FAM20C: variants seen among roughly 807,000 people sequenced by gnomAD.
The protein encoded by FAM20C is FAM20C golgi associated secretory pathway kinase, also known as extracellular serine/threonine protein kinase FAM20C.
In FAM20C, 40 loss-of-function variants were observed where a neutral mutation model predicts 51.5. The ratio of observed to expected loss-of-function variants is 0.78; its 90% CI spans 0.60 to 1.01. The LOEUF is 1.01. Among genes scored for constraint, FAM20C ranks in the 50% least tolerant of loss-of-function variants. FAM20C has a pLI of 0.00. For missense variants in FAM20C, 861 were observed against 844.7 expected, an observed-to-expected ratio of 1.02 and a Z score of -0.24; for synonymous variants, 406 against 380.6, an observed-to-expected ratio of 1.07 and a Z score of -0.78.
At chr7:198,376 G>A (rs1056230661) in intron 2 of FAM20C, among the ~76,000 whole-genome samples, 6 of 152,120 alleles carry the variant, frequency 3.9e-5, no homozygotes, top group Admixed American at 6.5e-5. Flanking sequence ...GTTATAATCT[G>A]GACCTGGTAT....
chr7:242,805 G>A (rs138225235), intron 3 of FAM20C, among the ~76,000 whole-genome samples: 4 of 152,202 alleles, frequency 2.6e-5, no homozygotes, highest in African/African-American at 4.8e-5. Flanking sequence ...AGGAAGCACC[G>A]ATGGACAGGC....
chr7:204,278 C>T (rs1786252231), intron 2 of FAM20C, among the ~76,000 whole-genome samples: 1 of 152,204 alleles, frequency 6.6e-6, no homozygotes, highest in Non-Finnish European at 1.5e-5. Flanking sequence ...CCTCGAGCTG[C>T]TGGCCCGCCT....
chr7:242,387 C>T (rs1030116527), intron 3 of FAM20C, among the ~76,000 whole-genome samples: 8 of 149,074 alleles, frequency 5.4e-5, no homozygotes, highest in African/African-American at 1.2e-4. Flanking sequence ...GTCCGCAGGA[C>T]GGAACGATTC....
intron 2 of FAM20C, among the ~76,000 whole-genome samples, chr7:205,852 C>T (rs1786355216): frequency 6.6e-6 from 1 of 152,146 alleles, no homozygotes; most frequent in Admixed American, 6.5e-5. Context: ...ACGAAGCCCG[C>T]TGTCCTCACG....
chr7:248,266 C>T (rs1788249117), intron 4 of FAM20C, 49 bp from the exon 5 acceptor site: 1 of 1,381,074 alleles, frequency 7.2e-7, no homozygotes, highest in East Asian at 2.5e-5. Flanking sequence ...ACACAGAGGC[C>T]CGCTGAGCCG....
intron 3 of FAM20C, among the ~76,000 whole-genome samples, chr7:245,014 C>A (rs948169325): frequency 6.6e-6 from 1 of 152,220 alleles, no homozygotes; most frequent in African/African-American, 2.4e-5. Context: ...AGACGTGGTC[C>A]CCCCGAAGGG....
chr7:245,547 T>C (rs1788118352), intron 3 of FAM20C, among the ~76,000 whole-genome samples: 1 of 152,094 alleles, frequency 6.6e-6, no homozygotes, highest in Non-Finnish European at 1.5e-5. Context: ...GGGCCGGCCT[T>C]GGTGGGGGAA....
chr7:207,231 ACTGTCCCCT>A lies in FAM20C; in HGVS notation c.785-1665_785-1657del, dbSNP rs1480257565. Among the ~76,000 whole-genome samples the A allele has an allele frequency of 3.7e-4, 14 of 37,856 alleles. 5 individuals are homozygous for A. Among genetic ancestry groups the A allele is most frequent in the African/African-American group, 3.3e-3 (14 of 4,268 alleles). The allele number at this position is 37,856 out of a possible 152,430, so 24.8% of individuals were successfully genotyped here. Reference sequence around the variant, plus strand: ...ACGTATCCACTGTGAGGCGTCGGTCACTGTCCCCTCGGCCCCGCACACGTGTCCACTGTG... The same window carrying A: ...ACGTATCCACTGTGAGGCGTCGGTCACGGCCCCGCACACGTGTCCACTGTG... On this transcript the variant is annotated intron_variant, in intron 2 of 9. Coordinates refer to ENST00000313766, the MANE Select transcript of FAM20C (RefSeq NM_020223.4).
intron 3 of FAM20C, among the ~76,000 whole-genome samples, chr7:234,597 G>C (rs1366716589): frequency 2.0e-5 from 3 of 152,184 alleles, no homozygotes; most frequent in African/African-American, 7.2e-5. Context: ...CTGCTGCATG[G>C]GGTCTGTGGT....
intron 3 of FAM20C, among the ~76,000 whole-genome samples, chr7:232,741 T>C (rs1787737991): frequency 6.6e-6 from 1 of 152,244 alleles, no homozygotes; most frequent in South Asian, 2.1e-4. Context: ...GCTCCGGGAA[T>C]GCCTAGCGCC....
intron 3 of FAM20C, among the ~76,000 whole-genome samples, chr7:236,600 CA>C (rs1787854836): frequency 6.6e-6 from 1 of 152,240 alleles, no homozygotes; most frequent in Admixed American, 6.5e-5. Context: ...GGCCACCCAG[CA>C]AGCACTCTTT....
At chr7:217,088 C>A (rs867584865) in intron 3 of FAM20C, among the ~76,000 whole-genome samples, 1 of 152,144 alleles carries the variant, frequency 6.6e-6, no homozygotes, top group Non-Finnish European at 1.5e-5. Context: ...CCTCCTCTAC[C>A]GAGCGAAGGG....
intron 3 of FAM20C, among the ~76,000 whole-genome samples, chr7:212,336 G>A (rs1003661080): frequency 2.0e-5 from 3 of 152,194 alleles, no homozygotes; most frequent in South Asian, 4.1e-4. Context: ...GGTGGTTTGT[G>A]CCTGTGATCC....
At position 259,871 on chromosome 7, in the gene FAM20C, G is replaced by A. The variant is rs893467130; in HGVS notation, c.1646G>A (p.Arg549Gln). 1.7e-5 allele frequency: 26 copies of A among 1,536,264 alleles called. No individual in the cohort carries two copies. Among genetic ancestry groups the A allele is most frequent in the African/African-American group, 8.2e-5 (6 of 73,176 alleles). Residue 549 changes from arginine (R) to glutamine (Q), a missense_variant, in exon 10 of 10, where the codon CGG (arginine) becomes CAG (glutamine). By Grantham distance (43) the Arg-to-Gln change is conservative. Coordinates refer to ENST00000313766, the MANE Select transcript of FAM20C (RefSeq NM_020223.4). ...YQPHLEALDR[R>Q]LRVVLKAVRD... ...CCGCACCTGGAGGCCCTGGACCGGC[G>A]GCTCCGCGTCGTGCTAAAGGCCGTC...
At chr7:241,214 G>A (rs1787937711) in intron 3 of FAM20C, among the ~76,000 whole-genome samples, 1 of 152,184 alleles carries the variant, frequency 6.6e-6, no homozygotes, top group Non-Finnish European at 1.5e-5. Context: ...GCCCAGCTGT[G>A]GCAGGAAGTG....
At chr7:220,305 C>T in intron 3 of FAM20C, among the ~76,000 whole-genome samples, 1 of 152,194 alleles carries the variant, frequency 6.6e-6, no homozygotes, top group Non-Finnish European at 1.5e-5. Flanking sequence ...TCCTCTCACC[C>T]CTGCCCTGCC....
At chr7:194,035 T>A in intron 1 of FAM20C, 1 of 605,064 alleles carries the variant, frequency 1.7e-6, no homozygotes, top group Non-Finnish European at 2.5e-6. Context: ...TGGCTGCTGG[T>A]GAGGAAGCCA....
chr7:216,630 TGAG>T (rs1786980304), intron 3 of FAM20C, among the ~76,000 whole-genome samples: 1 of 62,526 alleles, frequency 1.6e-5, no homozygotes, highest in African/African-American at 7.3e-5. Context: ...TGAGTGTGTG[TGAG>T]TGTGTGTGAG....
intron 4 of FAM20C, among the ~76,000 whole-genome samples, chr7:247,078 C>G (rs929677539): frequency 1.3e-5 from 2 of 152,220 alleles, no homozygotes; most frequent in Admixed American, 6.5e-5. Context: ...CACAGAGACT[C>G]ACAGAGCACA....
Sources: allele counts gnomAD v4.1 joint callset (sites outside exome capture counted in the v4.1 genomes callset), GRCh38; gene constraint gnomAD v4.1.1; transcripts MANE v1.5; gene names NCBI Gene and HGNC (gene_info 2026-07-23, HGNC 2026-07-21).